The following GALNT14 variants were observed in gnomAD, a reference collection of about 807,000 sequenced individuals.
GALNT14 encodes the protein polypeptide N-acetylgalactosaminyltransferase 14.
GALNT14 carries 60 observed loss-of-function variants against 77.5 expected under a neutral mutation model. The ratio of observed to expected loss-of-function variants is 0.77; its 90% CI spans 0.63 to 0.96. The LOEUF is 0.96. Among genes scored for constraint, GALNT14 ranks in the 40% least tolerant of loss-of-function variants. The pLI, the probability that GALNT14 is intolerant of heterozygous loss-of-function variation, is 0.00. For synonymous variants in GALNT14, 280 were observed against 281.7 expected (o/e 0.99, Z 0.06); for missense variants, 710 against 731.0 (o/e 0.97, Z 0.33).
chr2:30,924,770 C>T lies in GALNT14; in HGVS notation c.1205G>A (p.Trp402Ter), dbSNP rs1405420261. The stretch of plus-strand genomic sequence containing the variant: ...TTCAGGGTAGATATTCTCCAGGTAC[C>T]ACTTGAAGCTCTGGCAGCGCAGATT... ...RKNLRCQSFKWYLENIYPELS... is the reference protein window; with the variant it reads ...RKNLRCQSFK Residue 402 changes from tryptophan to a stop codon, truncating the protein, a stop_gained, in exon 12 of 15, where the codon TGG becomes TAG. Transcript: ENST00000349752. LOFTEE classifies it high-confidence loss of function. 3.1e-6 allele frequency: 5 copies of T among 1,613,946 alleles called. No individual in the cohort carries two copies. In the East Asian group the frequency reaches 6.7e-5, roughly 22 times the overall value.
intron 9 of GALNT14, among the ~76,000 whole-genome samples, chr2:30,937,653 T>C (rs1666135321): frequency 6.6e-6 from 1 of 152,210 alleles, no homozygotes; most frequent in South Asian, 2.1e-4. Flanking sequence ...GCCTCCAGCC[T>C]GAGAAAGTTC....
chr2:30,933,550 C>T (rs112409318), intron 9 of GALNT14, among the ~76,000 whole-genome samples: 65 of 152,308 alleles, frequency 4.3e-4, no homozygotes, highest in African/African-American at 1.4e-3. Flanking sequence ...AGACTTCTTT[C>T]ACACTAGCCC....
rs533619083 is a variant in GALNT14, at chr2:30,932,052, G to A, written c.1058+16C>T. 1.3e-6 allele frequency: 2 copies of A among 1,505,776 alleles called. No homozygotes were observed. The highest frequency in any genetic ancestry group is 5.1e-5 in the East Asian group (2 of 39,550). The allele number at this position is 1,505,776 out of a possible 1,614,324, so 93.3% of individuals were successfully genotyped here. A position where few individuals can be genotyped will look rare whatever the true frequency, so the allele number is the denominator to read the frequency against. On this transcript the variant is annotated intron_variant, in intron 10 of 14. Transcript: ENST00000349752. The stretch of plus-strand genomic sequence containing the variant: ...CTGTGCTGCTGCCCACCCGCGCTGA[G>A]CCCCTGGGCACTTACTTTATATACG...
At chr2:30,988,375 C>T (rs957730715) in intron 2 of GALNT14, among the ~76,000 whole-genome samples, 4 of 151,956 alleles carry the variant, frequency 2.6e-5, no homozygotes, top group African/African-American at 4.8e-5. Flanking sequence ...GGGCCAATGG[C>T]GATGGGGCCA....
At chr2:30,905,207 T>C in the GALNT14 span, among the ~76,000 whole-genome samples, 1 of 152,174 alleles carries the variant, frequency 6.6e-6, no homozygotes, top group African/African-American at 2.4e-5. Flanking sequence ...CAAAGCTGGA[T>C]GGAGAATGAC....
At chr2:31,116,906 G>A (rs967959174) in intron 1 of GALNT14, among the ~76,000 whole-genome samples, 16 of 151,984 alleles carry the variant, frequency 1.1e-4, no homozygotes, top group African/African-American at 3.6e-4. Context: ...GGTGTGGGGC[G>A]CATGCCTGTA....
chr2:31,110,749 A>T (rs1677793602), intron 1 of GALNT14, among the ~76,000 whole-genome samples: 1 of 152,034 alleles, frequency 6.6e-6, no homozygotes. Flanking sequence ...AACTGGGGGG[A>T]ATTAATGTAA....
At chr2:30,957,186 C>G (rs1667418896) in intron 4 of GALNT14, among the ~76,000 whole-genome samples, 1 of 152,168 alleles carries the variant, frequency 6.6e-6, no homozygotes, top group Non-Finnish European at 1.5e-5. Flanking sequence ...AAGACTTACA[C>G]AGGCTTCTGG....
chr2:31,080,716 GGTTA>G (rs1336624281), intron 1 of GALNT14, among the ~76,000 whole-genome samples: 1 of 152,272 alleles, frequency 6.6e-6, no homozygotes, highest in Non-Finnish European at 1.5e-5. Context: ...TACATGAAAG[GGTTA>G]GTTTGAGGAT....
At position 31,138,051 on chromosome 2, in the gene GALNT14, G is replaced by T; in HGVS notation, c.36C>A (p.Val12=). The T allele has an allele frequency of 1.2e-6, 2 of 1,613,820 alleles. No individual in the cohort carries two copies. Among genetic ancestry groups the T allele is most frequent in the Admixed American group, 1.7e-5 (1 of 60,022 alleles). The stretch of plus-strand genomic sequence containing the variant: ...GCACCGTGATCCAGAGCACCCCGAA[G>T]ACTGGCAGAACCAGCCGACGAGTCA... ...RRLTRRLVLP[V]FGVLWITVLL... The change falls in exon 1 of 15, where the codon GTC becomes GTA. Residue 12 remains valine, a synonymous_variant. Coordinates refer to ENST00000349752, the MANE Select transcript of GALNT14 (RefSeq NM_024572.4).
intron 10 of GALNT14, among the ~76,000 whole-genome samples, chr2:30,931,819 C>T (rs537350237): frequency 6.6e-6 from 1 of 152,072 alleles, no homozygotes; most frequent in African/African-American, 2.4e-5. Flanking sequence ...TTGAAGCCCA[C>T]GAGGCCTCAT....
intron 1 of GALNT14, among the ~76,000 whole-genome samples, chr2:31,015,751 G>C (rs896516657): frequency 4.6e-5 from 7 of 152,192 alleles, no homozygotes; most frequent in African/African-American, 1.7e-4. Context: ...GAAAACATCA[G>C]ACAAACCCAA....
intron 6 of GALNT14, among the ~76,000 whole-genome samples, chr2:30,951,570 A>G (rs1469907567): frequency 6.6e-6 from 1 of 152,374 alleles, no homozygotes; most frequent in East Asian, 1.9e-4. Flanking sequence ...ATATACTAAA[A>G]TCATTCAATT....
intron 1 of GALNT14, among the ~76,000 whole-genome samples, chr2:31,135,609 G>GA (rs1679194625): frequency 1.3e-5 from 2 of 152,250 alleles, no homozygotes; most frequent in South Asian, 4.1e-4. Flanking sequence ...AGAAAATGAG[G>GA]AAAAGAAGGA....
chr2:30,987,592 T>C (rs901756856), intron 2 of GALNT14, among the ~76,000 whole-genome samples: 6 of 152,216 alleles, frequency 3.9e-5, no homozygotes, highest in African/African-American at 1.2e-4. Flanking sequence ...TCTGGGCTTC[T>C]TTTATCACAT....
chr2:30,927,321 G>C (rs1055571847), intron 11 of GALNT14, among the ~76,000 whole-genome samples: 1 of 152,174 alleles, frequency 6.6e-6, no homozygotes, highest in African/African-American at 2.4e-5. Flanking sequence ...GTAGAACCTT[G>C]CTCCTCAAAT....
chr2:31,056,303 G>T (rs953634662), intron 1 of GALNT14, among the ~76,000 whole-genome samples: 1 of 152,178 alleles, frequency 6.6e-6, no homozygotes, highest in South Asian at 2.1e-4. Context: ...TGGTAGGTTC[G>T]GGCTCATCTG....
At chr2:31,053,810 T>G (rs1471708394) in intron 1 of GALNT14, among the ~76,000 whole-genome samples, 2 of 152,214 alleles carry the variant, frequency 1.3e-5, no homozygotes, top group East Asian at 3.9e-4. Flanking sequence ...GGCATCCATA[T>G]TTTACTGAGG....
chr2:30,930,877 C>T (rs990751103), intron 10 of GALNT14, among the ~76,000 whole-genome samples: 14 of 152,230 alleles, frequency 9.2e-5, no homozygotes, highest in African/African-American at 3.4e-4. Context: ...CTTCTAGAAA[C>T]GGAATGACCT....
Sources: allele counts gnomAD v4.1 joint callset (sites outside exome capture counted in the v4.1 genomes callset), GRCh38; gene constraint gnomAD v4.1.1; transcripts MANE v1.5; gene names NCBI Gene and HGNC (gene_info 2026-07-23, HGNC 2026-07-21).